The following C1orf21 variants were observed in gnomAD, a reference collection of about 807,000 sequenced individuals.
The protein encoded by C1orf21 is chromosome 1 open reading frame 21.
Under a neutral mutation model 18.7 loss-of-function variants are expected in C1orf21, and 3 were observed. That is an observed-to-expected ratio of 0.16 (90% CI 0.07 to 0.42). The LOEUF (loss-of-function observed/expected upper bound fraction) is 0.42, where lower values mean the gene tolerates loss of function less well. Among genes scored for constraint, C1orf21 ranks in the 10% least tolerant of loss-of-function variants. The pLI, the probability that C1orf21 is intolerant of heterozygous loss-of-function variation, is 0.99. For missense variants in C1orf21, 104 were observed against 143.6 expected (o/e 0.72, Z 1.41); for synonymous variants, 41 against 46.4 (o/e 0.88, Z 0.47).
chr1:184,457,451 T>C (rs1315470427), intron 1 of C1orf21, among the ~76,000 whole-genome samples: 3 of 151,432 alleles, frequency 2.0e-5, no homozygotes, highest in Admixed American at 1.3e-4. Flanking sequence ...GGCTAACTAG[T>C]TGAATATAAA....
At chr1:184,398,801 A>G (rs1168692602) in intron 1 of C1orf21, among the ~76,000 whole-genome samples, 1 of 152,348 alleles carries the variant, frequency 6.6e-6, no homozygotes, top group East Asian at 1.9e-4. Context: ...ATAAAATATA[A>G]AAAATGATAT....
intron 3 of C1orf21, among the ~76,000 whole-genome samples, chr1:184,584,133 C>CT (rs386368968): frequency 0.76 from 86,030 of 112,994 alleles, 33,161 homozygotes; most frequent in South Asian, 0.87. Context: ...TGTTCTTCTT[C>CT]TTTTTTTTTT....
intron 1 of C1orf21, among the ~76,000 whole-genome samples, chr1:184,417,196 G>A (rs1281536754): frequency 2.0e-5 from 3 of 152,144 alleles, no homozygotes; most frequent in African/African-American, 7.2e-5. Context: ...ACATGCTGCA[G>A]ACTCAGAGGA....
At chr1:184,413,747 C>T (rs541908468) in intron 1 of C1orf21, among the ~76,000 whole-genome samples, 44 of 152,146 alleles carry the variant, frequency 2.9e-4, no homozygotes, top group Admixed American at 1.4e-3. Context: ...GAAGAAGTGT[C>T]TCTACCATGA....
At chr1:184,539,296 G>T (rs550983546) in intron 3 of C1orf21, among the ~76,000 whole-genome samples, 1 of 152,170 alleles carries the variant, frequency 6.6e-6, no homozygotes, top group South Asian at 2.1e-4. Context: ...ATATTACATT[G>T]ATTGATTTTT....
chr1:184,549,490 C>T (rs1571410289), intron 3 of C1orf21, among the ~76,000 whole-genome samples: 1 of 151,876 alleles, frequency 6.6e-6, no homozygotes, highest in African/African-American at 2.4e-5. Flanking sequence ...CATACACTAA[C>T]ATTTTTACCT....
At chr1:184,491,510 C>T (rs6661707) in intron 2 of C1orf21, among the ~76,000 whole-genome samples, 64,662 of 151,836 alleles carry the variant, frequency 0.43, 13,939 homozygotes, top group Admixed American at 0.49. Flanking sequence ...CCCCCCATGC[C>T]CAGCTAATTT....
At chr1:184,469,611 G>A (rs375910684) in intron 1 of C1orf21, among the ~76,000 whole-genome samples, 9 of 152,318 alleles carry the variant, frequency 5.9e-5, no homozygotes, top group African/African-American at 2.2e-4. Flanking sequence ...GTTCTCTGTT[G>A]TAGTTTATGG....
chr1:184,610,846 CAAA>C (rs201966213), intron 5 of C1orf21, among the ~76,000 whole-genome samples: 19 of 72,328 alleles, frequency 2.6e-4, no homozygotes, highest in Admixed American at 4.5e-4. Flanking sequence ...GACTCTGACT[CAAA>C]AAAAAAAAAA....
intron 5 of C1orf21, among the ~76,000 whole-genome samples, chr1:184,614,892 G>A (rs1410101025): frequency 6.6e-6 from 1 of 152,146 alleles, no homozygotes; most frequent in Non-Finnish European, 1.5e-5. Flanking sequence ...CTCGCCTGTC[G>A]CTCACTTCAT....
At chr1:184,441,287 C>T (rs1435462891) in intron 1 of C1orf21, among the ~76,000 whole-genome samples, 1 of 152,170 alleles carries the variant, frequency 6.6e-6, no homozygotes, top group Non-Finnish European at 1.5e-5. Flanking sequence ...TCCCACAGCC[C>T]TTTTCTTAAA....
chr1:184,550,345 C>G (rs1056851792), intron 3 of C1orf21, among the ~76,000 whole-genome samples: 1 of 152,030 alleles, frequency 6.6e-6, no homozygotes, highest in South Asian at 2.1e-4. Flanking sequence ...TTTCTTCACC[C>G]AATACAAGAA....
intron 3 of C1orf21, among the ~76,000 whole-genome samples, chr1:184,533,794 C>T (rs76020779): frequency 0.012 from 1,779 of 152,216 alleles, 33 homozygotes; most frequent in African/African-American, 0.041. Flanking sequence ...AGGCCCTGGC[C>T]GGGGCTGGGG....
chr1:184,402,740 C>T (rs1255714555), intron 1 of C1orf21, among the ~76,000 whole-genome samples: 1 of 152,094 alleles, frequency 6.6e-6, no homozygotes, highest in African/African-American at 2.4e-5. Flanking sequence ...TGGTCTGTCC[C>T]TTCATGTTCC....
chr1:184,586,285 CTT>C (rs59964534), intron 3 of C1orf21, among the ~76,000 whole-genome samples: 4 of 128,488 alleles, frequency 3.1e-5, no homozygotes, highest in Admixed American at 7.9e-5. Context: ...CTTTTGTCCA[CTT>C]TTTTTTTTTT....
At chr1:184,541,718 G>A (rs1658653453) in intron 3 of C1orf21, among the ~76,000 whole-genome samples, 1 of 152,242 alleles carries the variant, frequency 6.6e-6, no homozygotes, top group African/African-American at 2.4e-5. Flanking sequence ...TTCTTTCAGA[G>A]TGGACCTGGC....
intron 3 of C1orf21, among the ~76,000 whole-genome samples, chr1:184,581,065 C>T (rs1209107703): frequency 6.6e-6 from 1 of 152,136 alleles, no homozygotes; most frequent in Non-Finnish European, 1.5e-5. Context: ...ACCCAAGTCG[C>T]TGGGTGATTA....
rs548737097 is a variant in C1orf21, at chr1:184,613,261, G to A, written c.328-6257G>A. Among the ~76,000 whole-genome samples, 42 of 152,320 alleles carry A rather than the reference G, an allele frequency of 2.8e-4. 1 individual carries two copies. Among genetic ancestry groups the A allele is most frequent in the African/African-American group, 9.4e-4 (39 of 41,578 alleles). On this transcript the variant is annotated intron_variant, in intron 5 of 5. Transcript: ENST00000235307. ...CTAATTTATATAGTTAGGTACGTAT[G>A]TGTAGGAAAAATATAGTATATGTAG...
intron 3 of C1orf21, among the ~76,000 whole-genome samples, chr1:184,542,837 C>T (rs1184589376): frequency 1.3e-5 from 2 of 152,156 alleles, no homozygotes; most frequent in African/African-American, 2.4e-5. Context: ...GCCCAGAGTC[C>T]CTCACTCTCC....
Sources: gnomAD v4.1 joint callset for allele counts (sites outside exome capture counted in the v4.1 genomes callset) on GRCh38, gnomAD v4.1.1 for gene constraint, MANE v1.5 for transcripts, NCBI Gene and HGNC (gene_info 2026-07-23, HGNC 2026-07-21) for gene names.